Variants in SFMBT2 observed in about 807,000 individuals in gnomAD.
SFMBT2 encodes the protein scm-like with four MBT domains protein 2.
A neutral mutation model predicts 110.1 loss-of-function variants in SFMBT2; 38 were observed. That is an observed-to-expected ratio of 0.35 (90% CI 0.27 to 0.45). The LOEUF is 0.45. Ranked by LOEUF, SFMBT2 falls within the 20% of genes least tolerant of loss-of-function variation. The probability of loss-of-function intolerance (pLI) is 1.00; values close to 1 mark genes in which losing one functional copy is unlikely to be tolerated. For synonymous variants in SFMBT2, 425 were observed against 425.4 expected (o/e 1.00, Z 0.01); for missense variants, 1,011 against 1,094.9 (o/e 0.92, Z 1.08).
At chr10:7,403,922 C>G (rs1271387658) in intron 1 of SFMBT2, among the ~76,000 whole-genome samples, 1 of 151,910 alleles carries the variant, frequency 6.6e-6, no homozygotes, top group Non-Finnish European at 1.5e-5. Flanking sequence ...AAATAAGCAG[C>G]TTTTTTTTAT....
At chr10:7,204,297 G>T (rs1237039652) in intron 12 of SFMBT2, 6 of 971,720 alleles carry the variant, frequency 6.2e-6, no homozygotes, top group Non-Finnish European at 7.3e-6. Context: ...CAGGGAATGT[G>T]AAGTCAGCTA....
At chr10:7,250,305 G>A (rs77603961) in intron 7 of SFMBT2, among the ~76,000 whole-genome samples, 3,660 of 152,218 alleles carry the variant, frequency 0.024, 68 homozygotes, top group Non-Finnish European at 0.037. Flanking sequence ...TGTGCTCAAG[G>A]TCTAGCTCGC....
intron 4 of SFMBT2, chr10:7,292,317 C>T (rs1048710270): frequency 4.1e-6 from 1 of 242,092 alleles, no homozygotes; most frequent in Non-Finnish European, 6.7e-6. Context: ...AGCACCTGCT[C>T]TTACTATTAA....
chr10:7,233,770 T>C (rs966512429), intron 9 of SFMBT2, among the ~76,000 whole-genome samples: 2 of 152,218 alleles, frequency 1.3e-5, no homozygotes, highest in African/African-American at 2.4e-5. Flanking sequence ...TTTGTTGTTT[T>C]TGAGGCAACC....
chr10:7,168,085 A>C (rs928156364), intron 20 of SFMBT2, among the ~76,000 whole-genome samples: 2 of 151,544 alleles, frequency 1.3e-5, no homozygotes, highest in Admixed American at 1.3e-4. Flanking sequence ...AAAAAAGAGC[A>C]ACTTGATTCT....
intron 9 of SFMBT2, among the ~76,000 whole-genome samples, chr10:7,230,307 C>T (rs1840079083): frequency 6.6e-6 from 1 of 152,174 alleles, no homozygotes; most frequent in African/African-American, 2.4e-5. Flanking sequence ...CTAGACAGGA[C>T]CAGAGCCGAC....
intron 4 of SFMBT2, among the ~76,000 whole-genome samples, chr10:7,314,785 G>A (rs1842939334): frequency 6.6e-6 from 1 of 151,818 alleles, no homozygotes; most frequent in Non-Finnish European, 1.5e-5. Flanking sequence ...GCAGGCCCCA[G>A]TATTCCCAGC....
intron 1 of SFMBT2, among the ~76,000 whole-genome samples, chr10:7,393,013 A>T (rs1469311173): frequency 1.7e-4 from 14 of 81,584 alleles, no homozygotes; most frequent in African/African-American, 7.9e-4. Flanking sequence ...ATATATATAT[A>T]TATATATATA....
intron 9 of SFMBT2, among the ~76,000 whole-genome samples, chr10:7,230,452 A>T (rs1840083801): frequency 6.6e-6 from 1 of 152,220 alleles, no homozygotes; most frequent in African/African-American, 2.4e-5. Flanking sequence ...AAAGCCTCAT[A>T]TTACTGTAGA....
intron 2 of SFMBT2, among the ~76,000 whole-genome samples, chr10:7,372,411 A>G (rs1449449811): frequency 6.6e-6 from 1 of 152,196 alleles, no homozygotes; most frequent in African/African-American, 2.4e-5. Flanking sequence ...AAAGTGACTT[A>G]CAGTCAAACA....
intron 7 of SFMBT2, among the ~76,000 whole-genome samples, chr10:7,261,755 C>T (rs1251776153): frequency 6.6e-6 from 1 of 152,202 alleles, no homozygotes; most frequent in Admixed American, 6.5e-5. Context: ...ATCATATATT[C>T]ATGTAAAGGT....
intron 17 of SFMBT2, among the ~76,000 whole-genome samples, chr10:7,175,475 G>A (rs890155201): frequency 5.9e-5 from 9 of 152,220 alleles, no homozygotes; most frequent in Admixed American, 3.3e-4. Context: ...AGAAAAGAAA[G>A]TGATGGTGGC....
At chr10:7,204,143 C>G (rs1451625252) in intron 12 of SFMBT2, 2 of 202,084 alleles carry the variant, frequency 9.9e-6, no homozygotes, top group Non-Finnish European at 1.8e-5. Context: ...GAATCAGATC[C>G]ATTGGGCAGG....
chr10:7,233,276 G>C (rs1306322452), intron 9 of SFMBT2, among the ~76,000 whole-genome samples: 1 of 152,146 alleles, frequency 6.6e-6, no homozygotes, highest in Non-Finnish European at 1.5e-5. Flanking sequence ...CACTGTAGAT[G>C]TCAATTTGGT....
At chr10:7,305,154 A>G (rs1204534608) in intron 4 of SFMBT2, among the ~76,000 whole-genome samples, 4 of 152,214 alleles carry the variant, frequency 2.6e-5, no homozygotes, top group Non-Finnish European at 5.9e-5. Flanking sequence ...TACTCGGGTA[A>G]TTACTGAATC....
intron 1 of SFMBT2, among the ~76,000 whole-genome samples, chr10:7,396,916 GA>G (rs1845941548): frequency 8.3e-6 from 1 of 120,732 alleles, no homozygotes; most frequent in African/African-American, 3.1e-5. Flanking sequence ...GGGATGGGGG[GA>G]GGGGGGAGGG....
chr10:7,236,005 A>T (rs1840240447), intron 9 of SFMBT2, among the ~76,000 whole-genome samples: 1 of 152,180 alleles, frequency 6.6e-6, no homozygotes, highest in Non-Finnish European at 1.5e-5. Context: ...ACTGTCAAGT[A>T]TCACAAAAGT....
chr10:7,334,011 C>A lies in SFMBT2; in HGVS notation c.436+33638G>T, dbSNP rs780195904. On this transcript the variant is annotated intron_variant, in intron 4 of 20. Coordinates refer to ENST00000397167, the MANE Select transcript of SFMBT2 (RefSeq NM_001387889.1). The stretch of plus-strand genomic sequence containing the variant: ...ATCTGGGGAAACTTCATATTTCAAA[C>A]GTATTTTGTGAAGTGGGCCTGACAA... Among the ~76,000 whole-genome samples the A allele has an allele frequency of 2.0e-5, 3 of 152,138 alleles. No individual in the cohort carries two copies. In the East Asian group the frequency reaches 5.8e-4, roughly 29 times the overall value.
chr10:7,331,342 C>A (rs994358798), intron 4 of SFMBT2, among the ~76,000 whole-genome samples: 2 of 152,190 alleles, frequency 1.3e-5, no homozygotes, highest in East Asian at 3.8e-4. Flanking sequence ...TCCACTGGGA[C>A]AGGAAAGCCA....
Sources: allele counts gnomAD v4.1 joint callset (sites outside exome capture counted in the v4.1 genomes callset), GRCh38; gene constraint gnomAD v4.1.1; transcripts MANE v1.5; gene names NCBI Gene and HGNC (gene_info 2026-07-23, HGNC 2026-07-21).